ST8SIA2: variants seen among roughly 807,000 people sequenced by gnomAD.
ST8SIA2 encodes the protein alpha-2,8-sialyltransferase 8B.
ST8SIA2 carries 22 observed loss-of-function variants against 37.6 expected under a neutral mutation model. The observed-to-expected ratio is 0.58, with a 90% confidence interval of 0.42 to 0.83. The LOEUF is 0.83. ST8SIA2 is among the 40% of genes least tolerant of loss of function. The pLI is 0.00. For synonymous variants in ST8SIA2, 205 were observed against 201.2 expected, an observed-to-expected ratio of 1.02 and a Z score of -0.16; for missense variants, 382 against 484.7, an observed-to-expected ratio of 0.79 and a Z score of 1.99.
chr15:92,430,045 G>T lies in ST8SIA2; in HGVS notation c.99-4G>T, dbSNP rs1446983932. ...ATAAATAATGCATTTCCTTTGTCTTGCAGGAATTCGGGAGGCAGAGGTACA... is the reference window on the plus strand; with the variant it reads ...ATAAATAATGCATTTCCTTTGTCTTTCAGGAATTCGGGAGGCAGAGGTACA... On this transcript the variant is annotated splice_region_variant and splice_polypyrimidine_tract_variant and intron_variant, in intron 1 of 5. Transcript: ENST00000268164. The T allele has an allele frequency of 4.3e-6, 7 of 1,614,146 alleles. No individual in the cohort carries two copies. The South Asian group carries it at 6.6e-5, about 15-fold the overall frequency.
intron 4 of ST8SIA2, among the ~76,000 whole-genome samples, chr15:92,439,148 C>T (rs534674681): frequency 2.2e-4 from 34 of 152,312 alleles, no homozygotes; most frequent in Non-Finnish European, 4.0e-4. Context: ...GAGGTAGAGC[C>T]TGGTACAAAA....
intron 5 of ST8SIA2, among the ~76,000 whole-genome samples, chr15:92,446,932 CAT>C (rs1184649954): frequency 1.3e-5 from 2 of 152,002 alleles, no homozygotes; most frequent in South Asian, 2.1e-4. Context: ...CCAGAATGCA[CAT>C]ATGTTTGTGG....
At chr15:92,428,200 A>C (rs2049690730) in intron 1 of ST8SIA2, among the ~76,000 whole-genome samples, 1 of 152,156 alleles carries the variant, frequency 6.6e-6, no homozygotes, top group African/African-American at 2.4e-5. Context: ...GCTTAGGGTA[A>C]GGGTAAGTTT....
At chr15:92,463,981 T>C (rs1819647562) in intron 5 of ST8SIA2, 119 bp from the exon 6 acceptor site, 1 of 1,384,470 alleles carries the variant, frequency 7.2e-7, no homozygotes, top group Non-Finnish European at 9.6e-7. Flanking sequence ...TGTAGCTTGA[T>C]CGGTCCCTGG....
chr15:92,424,678 C>T (rs950220619), intron 1 of ST8SIA2, among the ~76,000 whole-genome samples: 1 of 150,774 alleles, frequency 6.6e-6, no homozygotes, highest in Non-Finnish European at 1.5e-5. Flanking sequence ...CAGTGGCAAT[C>T]TCAGCTCACT....
In ST8SIA2 at chr15:92,394,095, G is replaced by T; in HGVS notation, c.31G>T (p.Ala11Ser). MQLQFRSWML[A>S]ALTLLVVFLI... is the part of the protein sequence containing the mutation. ...GCTGCAGTTCCGGAGCTGGATGCTG[G>T]CCGCGCTCACGCTGCTCGTGGTCTT... The change falls in exon 1 of 6, where the codon GCC becomes TCC. Residue 11 changes from alanine (A) to serine (S), a missense_variant. By Grantham distance (99) the Ala-to-Ser change is moderately conservative. Coordinates refer to ENST00000268164, the MANE Select transcript of ST8SIA2 (RefSeq NM_006011.4). The T allele has an allele frequency of 6.4e-7, 1 of 1,557,170 alleles. No individual in the cohort carries two copies. The highest frequency in any genetic ancestry group is 2.4e-5 in the East Asian group (1 of 41,838).
chr15:92,434,866 T>G (rs2141831570), intron 3 of ST8SIA2, among the ~76,000 whole-genome samples: 1 of 152,182 alleles, frequency 6.6e-6, no homozygotes, highest in East Asian at 1.9e-4. Context: ...CATAGGGGCA[T>G]CCGGAGAACC....
At chr15:92,428,220 G>C (rs555646052) in intron 1 of ST8SIA2, among the ~76,000 whole-genome samples, 4 of 152,124 alleles carry the variant, frequency 2.6e-5, no homozygotes, top group African/African-American at 7.2e-5. Flanking sequence ...TTTAAAGATG[G>C]GTCTGTTTTA....
At chr15:92,429,970 A>G in intron 1 of ST8SIA2, 79 bp from the exon 2 acceptor site, 1 of 1,481,804 alleles carries the variant, frequency 6.7e-7, no homozygotes, top group Non-Finnish European at 9.4e-7. Flanking sequence ...CAGGTGGGCT[A>G]TGGGATCTCC....
At chr15:92,434,510 T>C in intron 3 of ST8SIA2, 135 bp downstream of exon 3, 2 of 1,335,118 alleles carry the variant, frequency 1.5e-6, no homozygotes, top group South Asian at 1.2e-5. Context: ...GTTTCATCTG[T>C]AAGTGATCAA....
intron 1 of ST8SIA2, among the ~76,000 whole-genome samples, chr15:92,405,685 G>T (rs963986535): frequency 3.9e-5 from 6 of 152,338 alleles, no homozygotes; most frequent in African/African-American, 1.2e-4. Flanking sequence ...GAAAAGGGGG[G>T]AGGTGTGGCT....
At chr15:92,424,247 G>A (rs142206193) in intron 1 of ST8SIA2, among the ~76,000 whole-genome samples, 2 of 152,312 alleles carry the variant, frequency 1.3e-5, no homozygotes, top group Admixed American at 6.5e-5. Flanking sequence ...AACTGTAAAC[G>A]TGGGAAATTC....
At chr15:92,427,184 T>G (rs1596238413) in intron 1 of ST8SIA2, among the ~76,000 whole-genome samples, 1 of 151,440 alleles carries the variant, frequency 6.6e-6, no homozygotes, top group East Asian at 1.9e-4. Context: ...CAAAACATCA[T>G]GTTACGCATA....
chr15:92,414,320 T>G (rs1316595387), intron 1 of ST8SIA2, among the ~76,000 whole-genome samples: 1 of 152,220 alleles, frequency 6.6e-6, no homozygotes, highest in African/African-American at 2.4e-5. Flanking sequence ...GAGTCAGGTG[T>G]AGTGACCCAG....
Position 92,464,570 on chromosome 15 carries a change from C to G in ST8SIA2, c.*185C>G. 1 of 680,514 alleles carries G rather than the reference C, an allele frequency of 1.5e-6. No individual in the cohort carries two copies. Among genetic ancestry groups the G allele is most frequent in the Non-Finnish European group, 2.5e-6 (1 of 400,028 alleles). The allele number at this position is 680,514 out of a possible 1,614,324, so 42.2% of individuals were successfully genotyped here. On this transcript the variant is annotated 3_prime_UTR_variant, in exon 6 of 6. Coordinates refer to ENST00000268164, the MANE Select transcript of ST8SIA2 (RefSeq NM_006011.4). Reference sequence around the variant, plus strand: ...TATATATTGACCTGAGTATTTATAACTGTGTGGTGTTCATCTAGCATTAGG... The same window carrying G: ...TATATATTGACCTGAGTATTTATAAGTGTGTGGTGTTCATCTAGCATTAGG...
At chr15:92,457,641 G>A (rs111931010) in intron 5 of ST8SIA2, among the ~76,000 whole-genome samples, 81 of 152,224 alleles carry the variant, frequency 5.3e-4, no homozygotes, top group African/African-American at 1.8e-3. Context: ...TCTTCAAGTC[G>A]GCCATGCACA....
intron 5 of ST8SIA2, 121 bp downstream of exon 5, chr15:92,445,050 T>C: frequency 7.0e-7 from 1 of 1,423,908 alleles, no homozygotes; most frequent in Non-Finnish European, 9.7e-7. Context: ...CTGGATGGCC[T>C]CAGCAAGTCA....
At position 92,393,941 on chromosome 15, in the gene ST8SIA2, T is replaced by A. The variant is rs1285326262; in HGVS notation, c.-124T>A. The A allele has an allele frequency of 7.0e-6, 3 of 429,532 alleles. No individual in the cohort carries two copies. Among genetic ancestry groups the A allele is most frequent in the Non-Finnish European group, 1.1e-5 (3 of 279,710 alleles). The allele number at this position is 429,532 out of a possible 1,614,324, so 26.6% of individuals were successfully genotyped here. On this transcript the variant is annotated 5_prime_UTR_variant, in exon 1 of 6. Transcript: ENST00000268164. ...CGCTGCCGCCGCCGGCCCGGACTCG[T>A]CCGGAGCGCAGGGTGTCTGCCCAGC...
At chr15:92,463,423 T>C (rs16946962) in intron 5 of ST8SIA2, among the ~76,000 whole-genome samples, 4,884 of 152,048 alleles carry the variant, frequency 0.032, 281 homozygotes, top group African/African-American at 0.11. Flanking sequence ...CAGAGATGGG[T>C]ATCAGAGAGG....
Sources: allele counts gnomAD v4.1 joint callset (sites outside exome capture counted in the v4.1 genomes callset), GRCh38; gene constraint gnomAD v4.1.1; transcripts MANE v1.5; gene names NCBI Gene and HGNC (gene_info 2026-07-23, HGNC 2026-07-21).